Variants in MAPK14 observed in about 807,000 individuals in gnomAD.
MAPK14 encodes mitogen-activated protein kinase 14.
MAPK14 carries 16 observed loss-of-function variants against 49.6 expected under a neutral mutation model. That is an observed-to-expected ratio of 0.32 (90% CI 0.22 to 0.49). The LOEUF (loss-of-function observed/expected upper bound fraction) is 0.49, where lower values mean the gene tolerates loss of function less well. Ranked by LOEUF, MAPK14 falls within the 20% of genes least tolerant of loss-of-function variation. The probability of loss-of-function intolerance (pLI) is 0.99; values close to 1 mark genes in which losing one functional copy is unlikely to be tolerated. For synonymous variants in MAPK14, 142 were observed against 158.0 expected (o/e 0.90, Z 0.76); for missense variants, 200 against 441.2 (o/e 0.45, Z 4.90).
intron 10 of MAPK14, among the ~76,000 whole-genome samples, chr6:36,104,639 G>A (rs539366305): frequency 6.6e-6 from 1 of 152,078 alleles, no homozygotes; most frequent in Non-Finnish European, 1.5e-5. Flanking sequence ...TGCCCGCCTC[G>A]GCCTCCCAAA....
chr6:36,042,901 C>G (rs1054690736), intron 1 of MAPK14, among the ~76,000 whole-genome samples: 1 of 112,574 alleles, frequency 8.9e-6, no homozygotes, highest in Non-Finnish European at 1.8e-5. Flanking sequence ...ATTACTTGAG[C>G]TCAGGAGCTC....
intron 1 of MAPK14, among the ~76,000 whole-genome samples, chr6:36,038,149 C>T (rs766544296): frequency 1.4e-4 from 22 of 152,098 alleles, no homozygotes; most frequent in Non-Finnish European, 2.8e-4. Context: ...ATGGCTGTTG[C>T]ACTTTTAAGA....
At chr6:36,104,654 T>C (rs564162928) in intron 10 of MAPK14, among the ~76,000 whole-genome samples, 1 of 152,328 alleles carries the variant, frequency 6.6e-6, no homozygotes, top group African/African-American at 2.4e-5. Flanking sequence ...CCCAAAGTGC[T>C]GGGATTACAG....
chr6:36,100,568 T>TA (rs1335155756), intron 9 of MAPK14, among the ~76,000 whole-genome samples: 1 of 152,232 alleles, frequency 6.6e-6, no homozygotes, highest in Non-Finnish European at 1.5e-5. Flanking sequence ...GGTGTGCTAC[T>TA]ATCGTGACCT....
At chr6:36,031,694 C>T (rs77799327) in intron 1 of MAPK14, among the ~76,000 whole-genome samples, 13,389 of 152,160 alleles carry the variant, frequency 0.088, 717 homozygotes, top group Middle Eastern at 0.12. Flanking sequence ...GGTGAGCCAC[C>T]GTCTCTGGCC....
intron 1 of MAPK14, among the ~76,000 whole-genome samples, chr6:36,038,301 G>GT (rs1333129983): frequency 6.6e-6 from 1 of 152,140 alleles, no homozygotes; most frequent in Non-Finnish European, 1.5e-5. Context: ...AAGCCCTGAG[G>GT]TAAGGGCCCT....
chr6:36,034,892 T>C (rs1762677624), intron 1 of MAPK14, among the ~76,000 whole-genome samples: 1 of 146,148 alleles, frequency 6.8e-6, no homozygotes, highest in Admixed American at 7.0e-5. Flanking sequence ...AATATTTCTT[T>C]CTTTCTTTTT....
chr6:36,047,495 A>G (rs1433062738), intron 1 of MAPK14, among the ~76,000 whole-genome samples: 1 of 152,236 alleles, frequency 6.6e-6, no homozygotes, highest in Non-Finnish European at 1.5e-5. Context: ...TTTACTCTGT[A>G]TGCCAAGGAG....
chr6:36,086,802 A>G (rs1422838502), intron 8 of MAPK14, among the ~76,000 whole-genome samples: 1 of 152,230 alleles, frequency 6.6e-6, no homozygotes, highest in African/African-American at 2.4e-5. Flanking sequence ...TGAGGCCAGT[A>G]TTATCCCAAT....
intron 9 of MAPK14, among the ~76,000 whole-genome samples, chr6:36,098,498 C>G (rs1280050952): frequency 6.6e-6 from 1 of 152,084 alleles, no homozygotes; most frequent in Non-Finnish European, 1.5e-5. Flanking sequence ...TGATCATGCA[C>G]TGCACTCCAG....
intron 1 of MAPK14, among the ~76,000 whole-genome samples, chr6:36,041,022 A>G (rs1307468671): frequency 6.6e-6 from 1 of 152,178 alleles, no homozygotes; most frequent in Non-Finnish European, 1.5e-5. Context: ...GATCTTGTGG[A>G]TCTCAGGTAG....
chr6:36,096,232 C>T lies in MAPK14; in HGVS notation c.762+166C>T, dbSNP rs566385473. 58 of 556,312 alleles carry T rather than the reference C, an allele frequency of 1.0e-4. No homozygotes were observed. In the East Asian group the frequency reaches 1.4e-3, roughly 14 times the overall value. 34.5% of individuals were successfully genotyped at this position (556,312 alleles called of 1,614,324 possible). A position where few individuals can be genotyped will look rare whatever the true frequency, so the allele number is the denominator to read the frequency against. ...CAGTGTGAGTGTGTGTGTGCGTGCACGCATGTGTGCCTGCTTGCATGCACA... is the reference window on the plus strand; with the variant it reads ...CAGTGTGAGTGTGTGTGTGCGTGCATGCATGTGTGCCTGCTTGCATGCACA... On this transcript the variant is annotated intron_variant, in intron 9 of 11. Transcript: ENST00000229794.
chr6:36,069,446 G>A (rs1234101681), intron 3 of MAPK14, among the ~76,000 whole-genome samples: 3 of 152,096 alleles, frequency 2.0e-5, no homozygotes, highest in African/African-American at 7.2e-5. Context: ...TGGGCCTCCT[G>A]GAAACAAGTA....
chr6:36,090,540 T>G (rs959174890), intron 8 of MAPK14, among the ~76,000 whole-genome samples: 2 of 151,436 alleles, frequency 1.3e-5, no homozygotes, highest in Non-Finnish European at 2.9e-5. Flanking sequence ...TTTTTTTTTT[T>G]TTGGAGACAG....
At chr6:36,054,988 C>A (rs1255929501) in intron 2 of MAPK14, among the ~76,000 whole-genome samples, 1 of 152,200 alleles carries the variant, frequency 6.6e-6, no homozygotes. Context: ...ATCGGTAGTT[C>A]ATCTTGAATT....
At chr6:36,084,792 C>T (rs986245385) in intron 8 of MAPK14, among the ~76,000 whole-genome samples, 3 of 152,188 alleles carry the variant, frequency 2.0e-5, no homozygotes, top group African/African-American at 4.8e-5. Context: ...CCTAGCAAGA[C>T]AGGCCAGCAT....
At chr6:36,063,182 T>C (rs1185340720) in intron 3 of MAPK14, among the ~76,000 whole-genome samples, 1 of 152,200 alleles carries the variant, frequency 6.6e-6, no homozygotes, top group Admixed American at 6.5e-5. Flanking sequence ...GTTGCTCCCA[T>C]ACTACAAACC....
intron 8 of MAPK14, chr6:36,092,134 G>T: frequency 1.9e-6 from 1 of 519,530 alleles, no homozygotes; most frequent in South Asian, 1.4e-5. Flanking sequence ...CTTGGGTAAC[G>T]AAATGACTTC....
chr6:36,070,037 C>T (rs1218626492), intron 3 of MAPK14, among the ~76,000 whole-genome samples: 1 of 152,104 alleles, frequency 6.6e-6, no homozygotes, highest in African/African-American at 2.4e-5. Context: ...TCTTCCTCAG[C>T]TTATGCATCA....
Sources: gnomAD v4.1 joint callset for allele counts (sites outside exome capture counted in the v4.1 genomes callset) on GRCh38, gnomAD v4.1.1 for gene constraint, MANE v1.5 for transcripts, NCBI Gene and HGNC (gene_info 2026-07-23, HGNC 2026-07-21) for gene names.